Variants in RIPOR2 observed in about 807,000 individuals in gnomAD.
RIPOR2 encodes the protein rho family-interacting cell polarization regulator 2.
Under a neutral mutation model 114.5 loss-of-function variants are expected in RIPOR2, and 39 were observed. The ratio of observed to expected loss-of-function variants is 0.34; its 90% CI spans 0.26 to 0.44. RIPOR2 has a LOEUF of 0.44. RIPOR2 is among the 20% of genes least tolerant of loss of function. The pLI, the probability that RIPOR2 is intolerant of heterozygous loss-of-function variation, is 1.00. For missense variants in RIPOR2, 1,007 were observed against 1,255.1 expected, an observed-to-expected ratio of 0.80 and a Z score of 2.99; for synonymous variants, 445 against 484.4, an observed-to-expected ratio of 0.92 and a Z score of 1.07.
At position 24,872,785 on chromosome 6, in the gene RIPOR2, C is replaced by G. The variant is rs139532878; in HGVS notation, c.423+96G>C. On this transcript the variant is annotated intron_variant, in intron 4 of 21. Coordinates refer to ENST00000643898, the MANE Select transcript of RIPOR2 (RefSeq NM_001286445.3). The stretch of plus-strand genomic sequence containing the variant: ...GATAGTACTCTGCCCCTTGGATCTG[C>G]TTTTCTCAAACATTCCTCCCCAGCC... The G allele has an allele frequency of 4.2e-4, 339 of 806,462 alleles. 1 individual carries two copies. The African/African-American group carries it at 5.0e-3, about 12-fold the overall frequency. The allele number at this position is 806,462 out of a possible 1,614,324, so 50.0% of individuals were successfully genotyped here. A position where few individuals can be genotyped will look rare whatever the true frequency, so the allele number is the denominator to read the frequency against.
chr6:24,974,972 G>T (rs1200843732), intron 1 of RIPOR2, among the ~76,000 whole-genome samples: 1 of 152,246 alleles, frequency 6.6e-6, no homozygotes, highest in African/African-American at 2.4e-5. Flanking sequence ...TAGACTGGTG[G>T]TTGCCAGGAG....
chr6:24,833,171 T>C (rs1246382794), intron 15 of RIPOR2, among the ~76,000 whole-genome samples: 1 of 152,206 alleles, frequency 6.6e-6, no homozygotes, highest in Non-Finnish European at 1.5e-5. Flanking sequence ...CTGGTAGCCA[T>C]AGATGCAGAA....
chr6:24,923,855 T>A lies in RIPOR2; in HGVS notation c.61+11983A>T, dbSNP rs569676505. ...AGAGTAAGACTCTGTCTCAAAAAAA[T>A]AAAATAAATAAATAAATAAATAAAC... On this transcript the variant is annotated intron_variant, in intron 1 of 21. Coordinates refer to ENST00000643898, the MANE Select transcript of RIPOR2 (RefSeq NM_001286445.3). Among the ~76,000 whole-genome samples, 11 of 151,570 alleles carry A rather than the reference T, an allele frequency of 7.3e-5. No individual in the cohort carries two copies. In the East Asian group the frequency reaches 2.1e-3, roughly 29 times the overall value.
chr6:24,881,801 T>A (rs1002711594), intron 1 of RIPOR2, among the ~76,000 whole-genome samples: 2 of 152,026 alleles, frequency 1.3e-5, no homozygotes, highest in African/African-American at 4.8e-5. Flanking sequence ...AGGTAGCTCA[T>A]CAAATCAGCA....
chr6:25,023,403 C>T, intron 1 of RIPOR2: 2 of 772,444 alleles, frequency 2.6e-6, no homozygotes, highest in South Asian at 2.7e-5. Flanking sequence ...AGTGGGGACT[C>T]CCAGCCAAGG....
At chr6:24,923,659 A>G (rs1770659462) in intron 1 of RIPOR2, among the ~76,000 whole-genome samples, 1 of 152,076 alleles carries the variant, frequency 6.6e-6, no homozygotes, top group South Asian at 2.1e-4. Context: ...AGTCTGGCCA[A>G]CATGGTGAAA....
intron 1 of RIPOR2, among the ~76,000 whole-genome samples, chr6:24,965,270 T>G (rs1250066053): frequency 6.6e-6 from 1 of 152,112 alleles, no homozygotes; most frequent in Non-Finnish European, 1.5e-5. Flanking sequence ...CATGAGTAGC[T>G]AGGACTACAG....
intron 1 of RIPOR2, among the ~76,000 whole-genome samples, chr6:25,018,688 T>C (rs1027677201): frequency 6.6e-6 from 1 of 152,252 alleles, no homozygotes; most frequent in Admixed American, 6.5e-5. Flanking sequence ...AGATCTCGAT[T>C]AGATTTTATT....
chr6:24,997,403 G>A (rs1448896058), intron 1 of RIPOR2, among the ~76,000 whole-genome samples: 1 of 152,174 alleles, frequency 6.6e-6, no homozygotes, highest in African/African-American at 2.4e-5. Flanking sequence ...TTCTATATTA[G>A]ACATAGTGCT....
intron 1 of RIPOR2, among the ~76,000 whole-genome samples, chr6:24,969,949 T>G (rs1157988823): frequency 6.6e-6 from 1 of 152,192 alleles, no homozygotes; most frequent in South Asian, 2.1e-4. Context: ...TGCCTAGAAC[T>G]GTGCTGCACA....
chr6:24,855,943 A>C (rs1763428041), intron 8 of RIPOR2, among the ~76,000 whole-genome samples: 1 of 152,282 alleles, frequency 6.6e-6, no homozygotes, highest in African/African-American at 2.4e-5. Context: ...TTGAGGCAGG[A>C]GGATTGCTTG....
chr6:25,025,110 G>T (rs1253182073), intron 1 of RIPOR2, among the ~76,000 whole-genome samples: 1 of 152,192 alleles, frequency 6.6e-6, no homozygotes, highest in Non-Finnish European at 1.5e-5. Context: ...AGAGGACAGA[G>T]TTTGATATGT....
rs969022979 is a variant in RIPOR2, at chr6:24,839,976, G to A, written c.1858-704C>T. On this transcript the variant is annotated intron_variant, in intron 13 of 21. Transcript: ENST00000643898. Reference sequence around the variant, plus strand: ...TTTTTTTTTTTTTTTTTGAGACAAGGTCTTGCTCTGTCACTCAGGCTGGAG... The same window carrying A: ...TTTTTTTTTTTTTTTTTGAGACAAGATCTTGCTCTGTCACTCAGGCTGGAG... 1,351 of 942,548 alleles carry A rather than the reference G, an allele frequency of 1.4e-3. 3 individuals carry two copies. The highest frequency in any genetic ancestry group is 1.5e-3 in the Non-Finnish European group (1,257 of 814,952). The allele number at this position is 942,548 out of a possible 1,614,324, so 58.4% of individuals were successfully genotyped here.
chr6:24,829,181 C>T (rs1362775089), intron 17 of RIPOR2, among the ~76,000 whole-genome samples: 2 of 151,928 alleles, frequency 1.3e-5, no homozygotes, highest in African/African-American at 4.8e-5. Context: ...GTCATGGTGG[C>T]ATGTGCCTGT....
At position 24,804,425 on chromosome 6, in the gene RIPOR2, T is replaced by C. The variant is rs958622511; in HGVS notation, c.*1948A>G. 1.4e-5 allele frequency: 2 copies of C among 145,572 alleles called. No homozygotes were observed. Among genetic ancestry groups the C allele is most frequent in the African/African-American group, 5.0e-5 (2 of 40,270 alleles). 9.0% of individuals were successfully genotyped at this position (145,572 alleles called of 1,614,324 possible). On this transcript the variant is annotated 3_prime_UTR_variant, in exon 22 of 22. Transcript: ENST00000643898. The stretch of plus-strand genomic sequence containing the variant: ...CAAAAGATCTGGAATTAATTACTCA[T>C]GCAATAGTCAAAATAAAAAATAAAA...
At chr6:24,940,778 C>G (rs556767463), upstream of RIPOR2, among the ~76,000 whole-genome samples, 4 of 152,020 alleles carry the variant, frequency 2.6e-5, no homozygotes, top group South Asian at 6.2e-4. Context: ...CCCCAGTAGA[C>G]TAGCTGGGAC....
intron 1 of RIPOR2, among the ~76,000 whole-genome samples, chr6:25,033,137 G>A (rs144237404): frequency 2.6e-5 from 4 of 151,986 alleles, no homozygotes; most frequent in African/African-American, 2.4e-5. Context: ...CCAGGGGTTC[G>A]AGGCTGCAGT....
At chr6:24,923,661 A>G (rs1770660104) in intron 1 of RIPOR2, among the ~76,000 whole-genome samples, 2 of 152,034 alleles carry the variant, frequency 1.3e-5, no homozygotes, top group African/African-American at 4.8e-5. Context: ...TCTGGCCAAC[A>G]TGGTGAAATC....
intron 13 of RIPOR2, among the ~76,000 whole-genome samples, chr6:24,841,968 C>T (rs111993457): frequency 2.8e-4 from 43 of 152,226 alleles, no homozygotes; most frequent in Non-Finnish European, 4.7e-4. Flanking sequence ...GGTTGGTTCT[C>T]GGCTTGCCCC....
Sources: allele counts gnomAD v4.1 joint callset (sites outside exome capture counted in the v4.1 genomes callset), GRCh38; gene constraint gnomAD v4.1.1; transcripts MANE v1.5; gene names NCBI Gene and HGNC (gene_info 2026-07-23, HGNC 2026-07-21).